Variants in ZNF217 observed in about 807,000 individuals in gnomAD.
The protein encoded by ZNF217 is zinc finger protein 217.
In ZNF217, 12 loss-of-function variants were observed where a neutral mutation model predicts 73.3. That is an observed-to-expected ratio of 0.16 (90% CI 0.10 to 0.27). The LOEUF is 0.27. Among genes scored for constraint, ZNF217 ranks in the 10% least tolerant of loss-of-function variants. The pLI is 1.00. For synonymous variants in ZNF217, 588 were observed against 516.4 expected, an observed-to-expected ratio of 1.14 and a Z score of -1.88; for missense variants, 1,195 against 1,327.8, an observed-to-expected ratio of 0.90 and a Z score of 1.55.
Position 53,571,774 on chromosome 20 carries a change from T to A in ZNF217, c.3117A>T (p.Ala1039=). The A allele has an allele frequency of 6.2e-7, 1 of 1,613,692 alleles. No homozygotes were observed. The highest frequency in any genetic ancestry group is 8.5e-7 in the Non-Finnish European group (1 of 1,179,868). The change falls in exon 5 of 6, where the codon GCA becomes GCT. Residue 1039 remains alanine, a synonymous_variant. Coordinates refer to ENST00000371471, the MANE Select transcript of ZNF217 (RefSeq NM_006526.3). ...KRNYENFIGN[A]HYRPNDKKT ...TTTTTTTGTCATTTGGTCGATAATG[T>A]GCATTCCCAATAAAATTCTCATAGT...
chr20:53,596,060 A>G (rs1989036086), upstream of ZNF217, among the ~76,000 whole-genome samples: 1 of 152,162 alleles, frequency 6.6e-6, no homozygotes, highest in African/African-American at 2.4e-5. Flanking sequence ...GAAACAATCA[A>G]ATATTTTGAC....
Position 53,571,722 on chromosome 20 carries a change from T to G in ZNF217, c.*22A>C, listed in dbSNP as rs766156647. Reference sequence around the variant, plus strand: ...TTTTTAATTGAAACATATGCTCACCTTTTTTCCCCCTAATTAGTGAATCAA... The same window carrying G: ...TTTTTAATTGAAACATATGCTCACCGTTTTTCCCCCTAATTAGTGAATCAA... On this transcript the variant is annotated splice_region_variant and 3_prime_UTR_variant, in exon 5 of 6. Coordinates refer to ENST00000371471, the MANE Select transcript of ZNF217 (RefSeq NM_006526.3). 43 of 1,602,930 alleles carry G rather than the reference T, an allele frequency of 2.7e-5. No homozygotes were observed. In the East Asian group the frequency reaches 8.5e-4, roughly 32 times the overall value.
chr20:53,583,597 A>G (rs2145962829), intron 1 of ZNF217, among the ~76,000 whole-genome samples: 1 of 152,404 alleles, frequency 6.6e-6, no homozygotes, highest in East Asian at 1.9e-4. Context: ...TTTTAAATCC[A>G]GTGTATACAA....
At chr20:53,586,445 T>C (rs1253438181) in intron 1 of ZNF217, among the ~76,000 whole-genome samples, 1 of 151,294 alleles carries the variant, frequency 6.6e-6, no homozygotes, top group Non-Finnish European at 1.5e-5. Context: ...CACCATAAAG[T>C]TGATCAGCAC....
intron 1 of ZNF217, among the ~76,000 whole-genome samples, chr20:53,584,406 T>C (rs1439157647): frequency 6.6e-6 from 1 of 152,254 alleles, no homozygotes; most frequent in Non-Finnish European, 1.5e-5. Flanking sequence ...GAAATAGAAA[T>C]TCTCATACTC....
Position 53,575,866 on chromosome 20 carries a change from C to T in ZNF217, c.2898G>A (p.Leu966=), listed in dbSNP as rs764993962. Residue 966 remains leucine, a synonymous_variant, in exon 4 of 6, where the codon CTG becomes CTA. Transcript: ENST00000371471. The part of the protein sequence containing the change: ...PQDCVYPSQA[L]PPKPRFLSSS... ...AGCTCAGGAACCTTGGTTTGGGAGGCAGCGCCTGCGACGGATACACACAGT... is the reference window on the plus strand; with the variant it reads ...AGCTCAGGAACCTTGGTTTGGGAGGTAGCGCCTGCGACGGATACACACAGT... The T allele has an allele frequency of 3.1e-6, 5 of 1,614,200 alleles. No homozygotes were observed. In the South Asian group the frequency reaches 4.4e-5, roughly 14 times the overall value.
chr20:53,582,032 G>T lies in ZNF217; in HGVS notation c.795C>A (p.Phe265Leu). ...TTGGTCTCAAGTTGAACAACTGCAG[G>T]AAGTCCTCCCTCGAGGACGGCATTC... The part of the protein sequence containing the change: ...QGGMPSSRED[F>L]LQLFNLRPKS... Residue 265 changes from phenylalanine (F) to leucine (L), a missense_variant, in exon 2 of 6, where the codon TTC becomes TTA. Physicochemically the swap from Phe to Leu is conservative, Grantham distance 22 (BLOSUM62 0). Around this residue, in one of 9 missense-constraint regions of ZNF217, gnomAD observed 126 missense variants for 114.4 expected, o/e 1.10. Transcript: ENST00000371471. The surrounding 1 kb of genome is among the most constrained non-coding windows in gnomAD (Gnocchi z 4.8). The T allele has an allele frequency of 6.2e-7, 1 of 1,614,208 alleles. No homozygotes were observed. Among genetic ancestry groups the T allele is most frequent in the Non-Finnish European group, 8.5e-7 (1 of 1,180,040 alleles).
Position 53,582,072 on chromosome 20 carries a change from T to C in ZNF217, c.755A>G (p.Asp252Gly). ...TAFGTSSAQTDSPQGGMPSSR... is the reference protein window; with the variant it reads ...TAFGTSSAQTGSPQGGMPSSR... Reference sequence around the variant, plus strand: ...GGACGGCATTCCTCCTTGTGGAGAGTCTGTCTGCGCGCTGCTGGTACCGAA... The same window carrying C: ...GGACGGCATTCCTCCTTGTGGAGAGCCTGTCTGCGCGCTGCTGGTACCGAA... The change falls in exon 2 of 6, where the codon GAC becomes GGC. Residue 252 changes from aspartate (D) to glycine (G), a missense_variant. Around this residue, in one of 9 missense-constraint regions of ZNF217, gnomAD observed 126 missense variants for 114.4 expected, o/e 1.10. Coordinates refer to ENST00000371471, the MANE Select transcript of ZNF217 (RefSeq NM_006526.3). This position sits in a 1 kb window ranked among gnomAD's most constrained non-coding sequence, Gnocchi z 4.8. 1 of 1,614,086 alleles carries C rather than the reference T, an allele frequency of 6.2e-7. No homozygotes were observed.
intron 1 of ZNF217, among the ~76,000 whole-genome samples, chr20:53,592,392 G>A (rs1055440009): frequency 1.6e-4 from 25 of 151,902 alleles, no homozygotes; most frequent in African/African-American, 6.0e-4. Context: ...GGGGGTGGGG[G>A]GAAAGAAAAA....
At chr20:53,589,007 T>C (rs1476495511) in intron 1 of ZNF217, among the ~76,000 whole-genome samples, 1 of 152,260 alleles carries the variant, frequency 6.6e-6, no homozygotes, top group African/African-American at 2.4e-5. Flanking sequence ...CCTTATTTGA[T>C]AGAGGTAGAA....
rs1210772107 is a variant in ZNF217, at chr20:53,581,565, G to T, written c.1262C>A (p.Ser421Tyr). The T allele has an allele frequency of 1.2e-6, 2 of 1,614,244 alleles. No individual in the cohort carries two copies. Among genetic ancestry groups the T allele is most frequent in the Admixed American group, 3.3e-5 (2 of 60,038 alleles). Reference sequence around the variant, plus strand: ...ATCCAGAGGGGCGGCGAGGTCAGGAGAACACGTCCCCGGCTGCCTCCCGTC... The same window carrying T: ...ATCCAGAGGGGCGGCGAGGTCAGGATAACACGTCCCCGGCTGCCTCCCGTC... ...SVDGRQPGTC[S>Y]PDLAAPLDEN... The change falls in exon 2 of 6, where the codon TCT becomes TAT. Residue 421 changes from serine to tyrosine, a missense_variant. Around this residue, in one of 9 missense-constraint regions of ZNF217, gnomAD observed 116 missense variants for 121.9 expected, o/e 0.95. Transcript: ENST00000371471. The surrounding 1 kb of genome is among the most constrained non-coding windows in gnomAD (Gnocchi z 4.9).
chr20:53,569,337 A>C, intron 5 of ZNF217, 73 bp from the exon 6 acceptor site: 1 of 1,116,716 alleles, frequency 9.0e-7, no homozygotes, highest in Non-Finnish European at 1.1e-6. Context: ...TTCTTTAAAA[A>C]AGCGTAATAC....
chr20:53,589,759 GT>G (rs1259027204), intron 1 of ZNF217, among the ~76,000 whole-genome samples: 1 of 152,132 alleles, frequency 6.6e-6, no homozygotes, highest in Non-Finnish European at 1.5e-5. Context: ...TTTCAGAAAA[GT>G]TTTTATACTG....
In ZNF217 at chr20:53,567,093, T is replaced by C. The variant is rs1456352438; in HGVS notation, c.*2195A>G. 6.6e-6 allele frequency: 1 copy of C among 151,884 alleles called. No homozygotes were observed. The highest frequency in any genetic ancestry group is 2.4e-5 in the African/African-American group (1 of 41,406). 9.4% of individuals were successfully genotyped at this position (151,884 alleles called of 1,614,324 possible). A position where few individuals can be genotyped will look rare whatever the true frequency, so the allele number is the denominator to read the frequency against. The stretch of plus-strand genomic sequence containing the variant: ...AGATTGCAAAACACCAAATCTATAT[T>C]TACACTTCCACATATAATAACATAA... On this transcript the variant is annotated 3_prime_UTR_variant, in exon 6 of 6. Coordinates refer to ENST00000371471, the MANE Select transcript of ZNF217 (RefSeq NM_006526.3).
At position 53,576,435 on chromosome 20, in the gene ZNF217, T is replaced by G. The variant is rs7351440; in HGVS notation, c.2329A>C (p.Lys777Gln). The G allele has an allele frequency of 6.2e-7, 1 of 1,614,156 alleles. No homozygotes were observed. Residue 777 changes from lysine (K) to glutamine (Q), a missense_variant, in exon 4 of 6, where the codon AAG (lysine) becomes CAG (glutamine). Around this residue, in one of 9 missense-constraint regions of ZNF217, gnomAD observed 649 missense variants for 642.8 expected, o/e 1.01. Coordinates refer to ENST00000371471, the MANE Select transcript of ZNF217 (RefSeq NM_006526.3). ...TTGGACTGCGCCGGGAAAGCAGACT[T>G]GGGCTTGGGTTTACAGAAACTAGAG... Reference protein sequence around the residue: ...PLSSFCKPKPKSAFPAQSKSL... With the variant: ...PLSSFCKPKPQSAFPAQSKSL...
intron 1 of ZNF217, among the ~76,000 whole-genome samples, chr20:53,589,336 C>T (rs2145976996): frequency 6.6e-6 from 1 of 152,316 alleles, no homozygotes; most frequent in South Asian, 2.1e-4. Flanking sequence ...AATTTTATTT[C>T]TCAACTTTAT....
chr20:53,583,718 G>A (rs2145963223), intron 1 of ZNF217, among the ~76,000 whole-genome samples: 1 of 152,362 alleles, frequency 6.6e-6, no homozygotes, highest in East Asian at 1.9e-4. Flanking sequence ...AATGAGCACA[G>A]AAATACAGAA....
intron 4 of ZNF217, chr20:53,574,231 T>G (rs562585115): frequency 1.3e-5 from 2 of 152,278 alleles, no homozygotes; most frequent in East Asian, 3.9e-4. Context: ...CCCAAATATT[T>G]TAGTCCCGCA....
Position 53,577,088 on chromosome 20 carries a change from C to G in ZNF217, c.1676G>C (p.Arg559Thr), listed in dbSNP as rs1192691983. 1 of 1,614,212 alleles carries G rather than the reference C, an allele frequency of 6.2e-7. No individual in the cohort carries two copies. Residue 559 changes from arginine (R) to threonine (T), a missense_variant, in exon 4 of 6, where the codon AGA becomes ACA. Physicochemically the swap from Arg to Thr is moderately conservative, Grantham distance 71. Coordinates refer to ENST00000371471, the MANE Select transcript of ZNF217 (RefSeq NM_006526.3). ...ADSAQTKNLK[R>T]FFDGAKDVTG... ...AACATCTTTGGCACCATCAAAAAAT[C>G]TTTTCAAATTTTTGGTTTGCGCACT...
Sources: allele counts gnomAD v4.1 joint callset (sites outside exome capture counted in the v4.1 genomes callset), GRCh38; gene constraint gnomAD v4.1.1; regional missense constraint gnomAD v4.1.1; non-coding constraint Gnocchi (gnomAD v3.1); transcripts MANE v1.5; gene names NCBI Gene and HGNC (gene_info 2026-07-23, HGNC 2026-07-21).